Variants in COL3A1 observed in about 807,000 individuals in gnomAD.
The protein encoded by COL3A1 is collagen type III alpha 1 chain.
In COL3A1, 46 loss-of-function variants were observed where a neutral mutation model predicts 200.9. The observed-to-expected ratio is 0.23, with a 90% confidence interval of 0.18 to 0.29. COL3A1 has a LOEUF of 0.29. Among genes scored for constraint, COL3A1 ranks in the 10% least tolerant of loss-of-function variants. The pLI is 1.00. For missense variants in COL3A1, 1,367 were observed against 1,917.6 expected, an observed-to-expected ratio of 0.71 and a Z score of 5.36; for synonymous variants, 650 against 628.0, an observed-to-expected ratio of 1.03 and a Z score of -0.52.
At chr2:189,006,303 G>C in intron 42 of COL3A1, 42 bp from the exon 43 acceptor site, 1 of 1,613,742 alleles carries the variant, frequency 6.2e-7, no homozygotes, top group Non-Finnish European at 8.5e-7. Flanking sequence ...ATCAAAATAA[G>C]TGATCATCAT....
chr2:189,003,598 G>A, intron 37 of COL3A1, 134 bp downstream of exon 37: 1 of 1,335,172 alleles, frequency 7.5e-7, no homozygotes, highest in South Asian at 1.2e-5. Context: ...TGAGTTATAT[G>A]TAAATTCCAA....
intron 11 of COL3A1, 59 bp from the exon 12 acceptor site, chr2:188,991,428 A>AAATATAT: frequency 8.8e-7 from 1 of 1,136,250 alleles, no homozygotes; most frequent in Admixed American, 2.2e-5. Context: ...CTGTATTTAA[A>AAATATAT]AATATATAAT....
In COL3A1 at chr2:188,994,561, T is replaced by G; in HGVS notation, c.1314T>G (p.Gly438=). The change falls in exon 19 of 51, where the codon GGT becomes GGG. Residue 438 remains glycine, a synonymous_variant. Transcript: ENST00000304636. The surrounding 1 kb of genome is among the most constrained non-coding windows in gnomAD (Gnocchi z 4.5). ...RGGAGEPGKN[G]AKGEPGPRGE... ...TTTAGGGTGAGCCTGGTAAGAATGGTGCCAAAGGAGAGCCCGGACCACGTG... is the reference window on the plus strand; with the variant it reads ...TTTAGGGTGAGCCTGGTAAGAATGGGGCCAAAGGAGAGCCCGGACCACGTG... 6.2e-7 allele frequency: 1 copy of G among 1,614,172 alleles called. No individual in the cohort carries two copies.
chr2:189,001,075 T>G (rs890056154), intron 32 of COL3A1, among the ~76,000 whole-genome samples: 1 of 152,178 alleles, frequency 6.6e-6, no homozygotes, highest in Admixed American at 6.5e-5. Context: ...AATAAAGAAA[T>G]GTACTTTAAT....
intron 47 of COL3A1, 106 bp downstream of exon 47, chr2:189,008,248 C>A: frequency 1.1e-6 from 1 of 926,240 alleles, no homozygotes; most frequent in Non-Finnish European, 1.7e-6. Context: ...GCAATGCATC[C>A]ACTCAATTTA....
chr2:188,997,113 G>A (rs1478973837), intron 24 of COL3A1, 52 bp from the exon 25 acceptor site: 1 of 1,438,510 alleles, frequency 7.0e-7, no homozygotes, highest in Admixed American at 1.8e-5. Flanking sequence ...ACAATAATAT[G>A]ATTAGTTATT....
chr2:188,988,852 C>G (rs1468994262), intron 7 of COL3A1, among the ~76,000 whole-genome samples: 2 of 151,924 alleles, frequency 1.3e-5, no homozygotes, highest in African/African-American at 4.8e-5. Context: ...ATTCCCTCAT[C>G]ATTAGCCATC....
intron 10 of COL3A1, 21 bp downstream of exon 10, chr2:188,990,381 GT>G: frequency 6.2e-7 from 1 of 1,605,838 alleles, no homozygotes; most frequent in East Asian, 2.2e-5. Flanking sequence ...TTTCTAAGTT[GT>G]TTACAAGGTA....
chr2:189,003,361 A>G, intron 36 of COL3A1, 50 bp from the exon 37 acceptor site: 1 of 1,558,036 alleles, frequency 6.4e-7, no homozygotes, highest in Middle Eastern at 1.7e-4. Context: ...GCTTTTCCCA[A>G]ATTTTGATTT....
At chr2:188,998,086 G>T (rs751183731) in intron 27 of COL3A1, among the ~76,000 whole-genome samples, 180 bp from the exon 28 acceptor site, 1 of 152,130 alleles carries the variant, frequency 6.6e-6, no homozygotes, top group Non-Finnish European at 1.5e-5. Context: ...GATGAAAATG[G>T]GTTTGTAAAA....
intron 32 of COL3A1, among the ~76,000 whole-genome samples, chr2:189,000,521 T>C (rs1392849247): frequency 1.3e-5 from 2 of 152,202 alleles, no homozygotes; most frequent in African/African-American, 4.8e-5. Flanking sequence ...GGGAGTCTTA[T>C]GGTGATTGCA....
At position 188,991,475 on chromosome 2, in the gene COL3A1, A is replaced by G; in HGVS notation, c.853-12A>G. 1 of 1,569,632 alleles carries G rather than the reference A, an allele frequency of 6.4e-7. No individual in the cohort carries two copies. Among genetic ancestry groups the G allele is most frequent in the Non-Finnish European group, 8.7e-7 (1 of 1,144,190 alleles). On this transcript the variant is annotated splice_polypyrimidine_tract_variant and intron_variant, in intron 11 of 50. Transcript: ENST00000304636. Reference sequence around the variant, plus strand: ...CTTTTGTAAAATAGTAACATATTTTATATGTATCTAGGGTGAAAATGGTCT... The same window carrying G: ...CTTTTGTAAAATAGTAACATATTTTGTATGTATCTAGGGTGAAAATGGTCT...
chr2:188,997,044 C>CAT (rs1324765253), intron 24 of COL3A1, 121 bp from the exon 25 acceptor site: 2 of 250,854 alleles, frequency 8.0e-6, no homozygotes, highest in Non-Finnish European at 1.6e-5. Context: ...ATATATGAGA[C>CAT]ATATATATAT....
Position 188,994,189 on chromosome 2 carries a change from G to T in COL3A1, c.1195-45G>T. The T allele has an allele frequency of 6.2e-7, 1 of 1,612,132 alleles. No homozygotes were observed. The highest frequency in any genetic ancestry group is 2.2e-5 in the East Asian group (1 of 44,856). On this transcript the variant is annotated intron_variant, in intron 17 of 50. Coordinates refer to ENST00000304636, the MANE Select transcript of COL3A1 (RefSeq NM_000090.4). This position sits in a 1 kb window ranked among gnomAD's most constrained non-coding sequence, Gnocchi z 4.5. ...ATATTTAAGTGAGATATTCATAAAA[G>T]AACATTCAAGTTCGGCTAATATAGT...
chr2:188,985,108 T>C, intron 2 of COL3A1, 89 bp from the exon 3 acceptor site: 1 of 1,459,730 alleles, frequency 6.9e-7, no homozygotes, highest in Non-Finnish European at 9.6e-7. Flanking sequence ...ACCGTTTCAA[T>C]TTAAAGATAA....
intron 15 of COL3A1, among the ~76,000 whole-genome samples, 157 bp downstream of exon 15, chr2:188,993,097 T>C (rs1688222740): frequency 6.6e-6 from 1 of 152,146 alleles, no homozygotes; most frequent in South Asian, 2.1e-4. Flanking sequence ...AAAGAGGTGT[T>C]GTCCCTAGTA....
intron 4 of COL3A1, 34 bp downstream of exon 4, chr2:188,985,812 A>C: frequency 7.1e-7 from 1 of 1,405,434 alleles, no homozygotes; most frequent in Non-Finnish European, 1.0e-6. Context: ...AAATTCCCTC[A>C]TAAAACTATC....
intron 1 of COL3A1, among the ~76,000 whole-genome samples, chr2:188,983,743 G>A (rs530682309): frequency 1.3e-5 from 2 of 151,984 alleles, no homozygotes; most frequent in East Asian, 3.9e-4. Flanking sequence ...ATAAATTACT[G>A]AACAGTACAT....
At chr2:188,976,873 C>G (rs766832126) in intron 1 of COL3A1, among the ~76,000 whole-genome samples, 59 of 152,174 alleles carry the variant, frequency 3.9e-4, no homozygotes, top group Non-Finnish European at 8.1e-4. Context: ...TAGTGGCTGA[C>G]AAGCCAGGTT....
Sources: gnomAD v4.1 joint callset for allele counts (sites outside exome capture counted in the v4.1 genomes callset) on GRCh38, gnomAD v4.1.1 for gene constraint, Gnocchi (gnomAD v3.1) non-coding constraint, MANE v1.5 for transcripts, NCBI Gene and HGNC (gene_info 2026-07-23, HGNC 2026-07-21) for gene names.